The following USP49 variants were observed in gnomAD, a reference collection of about 807,000 sequenced individuals.
USP49 encodes ubiquitin carboxyl-terminal hydrolase 49.
A neutral mutation model predicts 58.6 loss-of-function variants in USP49; 24 were observed. The ratio of observed to expected loss-of-function variants is 0.41; its 90% confidence interval spans 0.30 to 0.58. The LOEUF is 0.58. USP49 is among the 20% of genes least tolerant of loss of function. The pLI is 0.30. For synonymous variants in USP49, 408 were observed against 365.1 expected, an observed-to-expected ratio of 1.12 and a Z score of -1.34; for missense variants, 703 against 866.1, an observed-to-expected ratio of 0.81 and a Z score of 2.36.
At chr6:41,832,689 G>T (rs1029895859) in intron 3 of USP49, among the ~76,000 whole-genome samples, 1 of 151,942 alleles carries the variant, frequency 6.6e-6, no homozygotes, top group Non-Finnish European at 1.5e-5. Context: ...CTAGAAATTA[G>T]TCAAAAAAAA....
At chr6:41,866,515 G>A (rs1774321947) in intron 3 of USP49, among the ~76,000 whole-genome samples, 2 of 152,202 alleles carry the variant, frequency 1.3e-5, no homozygotes, top group Admixed American at 1.3e-4. Flanking sequence ...AAAGTTGGGA[G>A]CAACTCATAC....
intron 3 of USP49, among the ~76,000 whole-genome samples, chr6:41,863,566 T>C (rs1466514161): frequency 6.6e-6 from 1 of 152,192 alleles, no homozygotes; most frequent in Non-Finnish European, 1.5e-5. Context: ...ACATCAGCTA[T>C]CTAATATCCA....
intron 3 of USP49, among the ~76,000 whole-genome samples, chr6:41,869,356 A>G (rs1774376289): frequency 6.6e-6 from 1 of 151,668 alleles, no homozygotes; most frequent in Non-Finnish European, 1.5e-5. Flanking sequence ...GCACGGCATG[A>G]CTCTGTCTCT....
At chr6:41,867,616 G>A (rs1255376741) in intron 3 of USP49, among the ~76,000 whole-genome samples, 1 of 151,300 alleles carries the variant, frequency 6.6e-6, no homozygotes, top group Non-Finnish European at 1.5e-5. Context: ...GCTAGGAGTG[G>A]TGGCGAGCGC....
chr6:41,863,331 T>A lies in USP49; in HGVS notation c.-29+8233A>T, dbSNP rs548242252. 3.3e-5 allele frequency among the ~76,000 whole-genome samples: 5 copies of A among 152,326 alleles called. No homozygotes were observed. The South Asian group carries it at 1.0e-3, about 32-fold the overall frequency. On this transcript the variant is annotated intron_variant, in intron 3 of 7. Coordinates refer to ENST00000682992, the MANE Select transcript of USP49 (RefSeq NM_001286554.2). ...AGAGTATGAATTCAAATGCTCCCCT[T>A]GTTTCTTGACTTCTTGAACCTAGTC... is the stretch of plus-strand genomic sequence containing the variant.
intron 2 of USP49, 139 bp from the exon 3 acceptor site, chr6:41,871,776 T>A (rs1257423989): frequency 1.7e-5 from 2 of 115,848 alleles, no homozygotes; most frequent in East Asian, 4.9e-4. Context: ...AAAACTGATG[T>A]AAGAGTAAAA....
chr6:41,824,660 C>T (rs1482293590), intron 3 of USP49, among the ~76,000 whole-genome samples: 4 of 152,086 alleles, frequency 2.6e-5, no homozygotes, highest in African/African-American at 9.7e-5. Flanking sequence ...GAGCCGAGAT[C>T]GCGCCATTGC....
chr6:41,869,080 C>T (rs1301195161), intron 3 of USP49, among the ~76,000 whole-genome samples: 2 of 137,884 alleles, frequency 1.5e-5, no homozygotes, highest in African/African-American at 2.7e-5. Context: ...TGTTCTTAGT[C>T]TTTTTTTTTT....
intron 3 of USP49, among the ~76,000 whole-genome samples, chr6:41,871,021 A>G (rs1774404471): frequency 6.6e-6 from 1 of 152,008 alleles, no homozygotes; most frequent in African/African-American, 2.4e-5. Context: ...ACTGCACTCC[A>G]GCCTGGGCAA....
intron 2 of USP49, chr6:41,872,943 G>C (rs1774439910): frequency 6.6e-6 from 1 of 152,020 alleles, no homozygotes; most frequent in Non-Finnish European, 1.5e-5. Flanking sequence ...CCATAATATG[G>C]GCTCCCATCA....
chr6:41,829,117 G>A (rs1773591392), intron 3 of USP49, among the ~76,000 whole-genome samples: 1 of 152,068 alleles, frequency 6.6e-6, no homozygotes, highest in South Asian at 2.1e-4. Context: ...TTTACTAAAT[G>A]ATTATTGCTG....
Position 41,805,805 on chromosome 6 carries a change from G to A in USP49, c.1179C>T (p.Arg393=). The stretch of plus-strand genomic sequence containing the variant: ...CCTGCGCGTCCTGTTGGTCGTAGCC[G>A]CGGAAGGCAGGGATCAGGCTCCACA... ...HSVWSLIPAF[R]GYDQQDAQEF... is the part of the protein sequence containing the mutation. The change falls in exon 4 of 8, where the codon CGC becomes CGT. Residue 393 remains arginine (R), a synonymous_variant. Coordinates refer to ENST00000682992, the MANE Select transcript of USP49 (RefSeq NM_001286554.2). The A allele has an allele frequency of 6.2e-7, 1 of 1,614,056 alleles. No individual in the cohort carries two copies. The highest frequency in any genetic ancestry group is 1.1e-5 in the South Asian group (1 of 91,084).
intron 2 of USP49, among the ~76,000 whole-genome samples, chr6:41,889,466 G>C (rs144514938): frequency 8.9e-4 from 136 of 152,288 alleles, no homozygotes; most frequent in African/African-American, 3.2e-3. Flanking sequence ...CATGGCTCCT[G>C]TTTCTCACAA....
rs1394849244 is a variant in USP49 at position 41,792,216 on chromosome 6, A to T, written c.*4317T>A. On this transcript the variant is annotated 3_prime_UTR_variant, in exon 8 of 8. Transcript: ENST00000682992. ...CTGGGACGGGTGCCTTCTCTTTTGC[A>T]CCACTCCCTTTGCATATTACACAGT... 1.3e-5 allele frequency: 2 copies of T among 152,208 alleles called. No individual in the cohort carries two copies. Among genetic ancestry groups the T allele is most frequent in the Non-Finnish European group, 2.9e-5 (2 of 68,040 alleles). The allele number at this position is 152,208 out of a possible 1,614,324, so 9.4% of individuals were successfully genotyped here.
chr6:41,830,842 T>G (rs1773620889), intron 3 of USP49, among the ~76,000 whole-genome samples: 1 of 150,228 alleles, frequency 6.7e-6, no homozygotes. Context: ...AAAAAAAATT[T>G]AGGAAAGCAG....
chr6:41,798,622 C>T (rs1397554851), intron 7 of USP49, 102 bp downstream of exon 7: 1 of 1,600,764 alleles, frequency 6.2e-7, no homozygotes, highest in Non-Finnish European at 8.5e-7. Flanking sequence ...ATGTAATTTC[C>T]CTCTAGGTAA....
At chr6:41,891,943 C>A (rs995151401) in intron 1 of USP49, 68 bp from the exon 2 acceptor site, 1 of 152,070 alleles carries the variant, frequency 6.6e-6, no homozygotes, top group Non-Finnish European at 1.5e-5. Flanking sequence ...AACTTAAAAG[C>A]TTTTGCTTAG....
At chr6:41,883,842 A>C (rs556957417) in intron 2 of USP49, among the ~76,000 whole-genome samples, 67 of 151,060 alleles carry the variant, frequency 4.4e-4, no homozygotes, top group African/African-American at 1.5e-3. Context: ...AAACATGTCC[A>C]CTCCTGGGTC....
At chr6:41,859,562 C>T (rs1774184879) in intron 3 of USP49, among the ~76,000 whole-genome samples, 1 of 152,086 alleles carries the variant, frequency 6.6e-6, no homozygotes, top group African/African-American at 2.4e-5. Context: ...CTATAACAAA[C>T]CTGAAGAAGA....
Sources: allele counts gnomAD v4.1 joint callset (sites outside exome capture counted in the v4.1 genomes callset), GRCh38; gene constraint gnomAD v4.1.1; transcripts MANE v1.5; gene names NCBI Gene and HGNC (gene_info 2026-07-23, HGNC 2026-07-21).